Variants in PDE1C observed in about 807,000 individuals in gnomAD.
PDE1C encodes the protein phosphodiesterase 1C.
Under a neutral mutation model 93.1 loss-of-function variants are expected in PDE1C, and 62 were observed. The observed-to-expected ratio is 0.67, with a 90% CI of 0.54 to 0.82. The LOEUF (loss-of-function observed/expected upper bound fraction) is 0.82. Ranked by LOEUF, PDE1C falls within the 40% of genes least tolerant of loss-of-function variation. The pLI is 0.00. For synonymous variants in PDE1C, 325 were observed against 310.1 expected (o/e 1.05, Z -0.50); for missense variants, 742 against 884.6 (o/e 0.84, Z 2.04).
intron 2 of PDE1C, among the ~76,000 whole-genome samples, chr7:32,008,514 G>T (rs1186267553): frequency 2.0e-5 from 3 of 152,058 alleles, no homozygotes. Context: ...CTGGGTTCAG[G>T]GATTTAAACC....
intron 1 of PDE1C, among the ~76,000 whole-genome samples, chr7:32,407,401 G>A (rs1785077301): frequency 6.6e-6 from 1 of 152,188 alleles, no homozygotes; most frequent in South Asian, 2.1e-4. Context: ...CTGCATGGGA[G>A]ATAACTTGGA....
chr7:31,938,102 T>C (rs528003673), intron 2 of PDE1C, among the ~76,000 whole-genome samples: 24 of 152,266 alleles, frequency 1.6e-4, no homozygotes, highest in South Asian at 4.1e-4. Flanking sequence ...GATTGAGCTT[T>C]CTGTATAATT....
the PDE1C span, among the ~76,000 whole-genome samples, chr7:31,690,702 G>A: frequency 1.3e-5 from 2 of 152,180 alleles, no homozygotes; most frequent in Non-Finnish European, 2.9e-5. Context: ...GTTAAAAACC[G>A]CCTTACCTTT....
At chr7:31,796,874 T>A (rs1314081170) in intron 16 of PDE1C, among the ~76,000 whole-genome samples, 2 of 151,750 alleles carry the variant, frequency 1.3e-5, no homozygotes, top group African/African-American at 2.4e-5. Flanking sequence ...CAAAAAAACC[T>A]TTTAGGGTTT....
At chr7:31,636,549 G>C in the PDE1C span, among the ~76,000 whole-genome samples, 1 of 152,002 alleles carries the variant, frequency 6.6e-6, no homozygotes, top group African/African-American at 2.4e-5. Flanking sequence ...TTTTACCAAG[G>C]CTCAACCTCT....
At chr7:31,675,783 A>C in the PDE1C span, among the ~76,000 whole-genome samples, 2 of 152,106 alleles carry the variant, frequency 1.3e-5, no homozygotes, top group Non-Finnish European at 2.9e-5. Context: ...GGAAAATTTC[A>C]GCAATGAAAA....
chr7:32,169,804 A>C (rs780931765), exon 3 of PDE1C: 1 of 1,612,588 alleles, frequency 6.2e-7, no homozygotes, highest in South Asian at 1.1e-5. Flanking sequence ...GTCTTCACCA[A>C]GACTTCTGGG....
At chr7:32,397,118 G>C (rs1585141748) in intron 1 of PDE1C, among the ~76,000 whole-genome samples, 1 of 152,032 alleles carries the variant, frequency 6.6e-6, no homozygotes, top group East Asian at 1.9e-4. Context: ...AAAGGAAAAG[G>C]TCTATAAATT....
intron 2 of PDE1C, among the ~76,000 whole-genome samples, chr7:32,208,112 A>G (rs1232773477): frequency 6.6e-6 from 1 of 152,240 alleles, no homozygotes; most frequent in Admixed American, 6.5e-5. Context: ...TTTATTACAC[A>G]ATTTCTAAAA....
chr7:32,270,237 A>G (rs1276919163), intron 1 of PDE1C, among the ~76,000 whole-genome samples: 1 of 151,614 alleles, frequency 6.6e-6, no homozygotes, highest in Non-Finnish European at 1.5e-5. Context: ...GGTGAAATTT[A>G]GAGTGATTTC....
chr7:31,642,819 G>T, the PDE1C span: 2 of 1,613,844 alleles, frequency 1.2e-6, no homozygotes, highest in Non-Finnish European at 1.7e-6. Flanking sequence ...GGGCGAGCAT[G>T]TCTTTTTCAA....
At chr7:32,266,199 G>A (rs1300172176) in intron 1 of PDE1C, among the ~76,000 whole-genome samples, 7 of 151,900 alleles carry the variant, frequency 4.6e-5, no homozygotes, top group African/African-American at 1.2e-4. Flanking sequence ...GGAGAATGGC[G>A]TGAACCTGGG....
chr7:32,303,052 G>A (rs921967718), upstream of PDE1C, among the ~76,000 whole-genome samples: 1 of 152,174 alleles, frequency 6.6e-6, no homozygotes, highest in Non-Finnish European at 1.5e-5. Context: ...GTAATTGATA[G>A]AACCCAAACT....
At chr7:31,985,096 CCAT>C (rs1783195336) in intron 2 of PDE1C, among the ~76,000 whole-genome samples, 1 of 152,148 alleles carries the variant, frequency 6.6e-6, no homozygotes, top group African/African-American at 2.4e-5. Context: ...TATCCAGACA[CCAT>C]CAAGCCATGA....
the PDE1C span, chr7:31,687,014 G>T: frequency 5.3e-5 from 8 of 152,140 alleles, no homozygotes; most frequent in African/African-American, 1.7e-4. Flanking sequence ...GAATTTCTCT[G>T]GTGTGCACAC....
chr7:31,969,020 T>C (rs1328236853), intron 2 of PDE1C, among the ~76,000 whole-genome samples: 4 of 152,114 alleles, frequency 2.6e-5, no homozygotes, highest in South Asian at 2.1e-4. Context: ...CCTAAAACCA[T>C]AAAAACCTTA....
chr7:32,262,429 C>G (rs1810278470), intron 1 of PDE1C, among the ~76,000 whole-genome samples: 1 of 152,190 alleles, frequency 6.6e-6, no homozygotes, highest in Non-Finnish European at 1.5e-5. Context: ...GAACTCCAAA[C>G]TGAAGACAGG....
rs768751689 is a variant in PDE1C, at chr7:31,865,007, T to C, written c.685A>G (p.Asn229Asp). 1.2e-6 allele frequency: 2 copies of C among 1,614,058 alleles called. No homozygotes were observed. Residue 229 changes from asparagine (N) to aspartate (D), a missense_variant, in exon 7 of 18, where the codon AAC becomes GAC. Asn to Asp is a conservative substitution (Grantham distance 23). Transcript: ENST00000396191. ...GYSKHKNPYH[N>D]LMHAADVTQT... The stretch of plus-strand genomic sequence containing the variant: ...GTAACATCGGCAGCGTGCATTAAGT[T>C]ATGGTAAGGATTTTTGTGCTTGCTG...
At chr7:31,786,192 G>A (rs540951098) in intron 16 of PDE1C, 3 of 152,078 alleles carry the variant, frequency 2.0e-5, no homozygotes, top group East Asian at 1.9e-4. Context: ...TTTCCACTCG[G>A]ATTCTCAGTA....
Sources: allele counts gnomAD v4.1 joint callset (sites outside exome capture counted in the v4.1 genomes callset), GRCh38; gene constraint gnomAD v4.1.1; transcripts MANE v1.5; gene names NCBI Gene and HGNC (gene_info 2026-07-23, HGNC 2026-07-21).